NELL2: variants seen among roughly 807,000 people sequenced by gnomAD.
NELL2 encodes protein kinase C-binding protein NELL2.
Under a neutral mutation model 109.6 loss-of-function variants are expected in NELL2, and 41 were observed. The observed-to-expected ratio is 0.37, with a 90% CI of 0.29 to 0.49. The LOEUF (loss-of-function observed/expected upper bound fraction) is 0.49. Among genes scored for constraint, NELL2 ranks in the 20% least tolerant of loss-of-function variants. The probability of loss-of-function intolerance (pLI) is 0.98; values close to 1 mark genes in which losing one functional copy is unlikely to be tolerated. For missense variants in NELL2, 900 were observed against 1,008.3 expected (o/e 0.89, Z 1.45); for synonymous variants, 355 against 344.7 (o/e 1.03, Z -0.33).
chr12:44,660,045 G>A (rs1343126470), intron 13 of NELL2, among the ~76,000 whole-genome samples: 5 of 152,128 alleles, frequency 3.3e-5, no homozygotes, highest in Non-Finnish European at 5.9e-5. Flanking sequence ...TAAAATCCGG[G>A]TTTTGATAGA....
chr12:44,554,248 G>C (rs1490500303), intron 15 of NELL2, among the ~76,000 whole-genome samples: 1 of 152,268 alleles, frequency 6.6e-6, no homozygotes, highest in South Asian at 2.1e-4. Context: ...GAGCCATAGT[G>C]TGTTAAGATA....
At chr12:44,621,830 A>G (rs1012414253) in intron 13 of NELL2, among the ~76,000 whole-genome samples, 7 of 152,120 alleles carry the variant, frequency 4.6e-5, no homozygotes, top group African/African-American at 1.7e-4. Flanking sequence ...TCTATAGATA[A>G]GGGACTGTGG....
In NELL2 at chr12:44,599,752, A is replaced by T. The variant is rs551524273; in HGVS notation, c.1663+7417T>A. On this transcript the variant is annotated intron_variant, in intron 15 of 19. Transcript: ENST00000429094. ...GGAGTCCCTAGCAAGGTAAATAAAA[A>T]TATTAATAAATTCATACGCAGGCAC... 7.2e-5 allele frequency among the ~76,000 whole-genome samples: 11 copies of T among 152,278 alleles called. No individual in the cohort carries two copies. The East Asian group carries it at 1.9e-3, about 27-fold the overall frequency.
chr12:44,758,450 C>A (rs1442815211), intron 9 of NELL2, among the ~76,000 whole-genome samples: 2 of 152,148 alleles, frequency 1.3e-5, no homozygotes, highest in Non-Finnish European at 2.9e-5. Context: ...AATAAAAGTA[C>A]AATTATTATT....
chr12:44,784,089 A>G (rs1287143422), intron 3 of NELL2, among the ~76,000 whole-genome samples: 1 of 152,180 alleles, frequency 6.6e-6, no homozygotes, highest in African/African-American at 2.4e-5. Flanking sequence ...CTTATGCAGA[A>G]AAAGCATTTG....
At chr12:44,614,466 C>A (rs1004198158) in intron 13 of NELL2, among the ~76,000 whole-genome samples, 10 of 151,918 alleles carry the variant, frequency 6.6e-5, no homozygotes, top group African/African-American at 9.7e-5. Flanking sequence ...GTCATAATTT[C>A]TTTGTTCTGC....
chr12:44,738,511 G>A (rs1939771267), intron 9 of NELL2, among the ~76,000 whole-genome samples: 1 of 150,888 alleles, frequency 6.6e-6, no homozygotes. Flanking sequence ...TTTGAGACAA[G>A]ATGGATGAAC....
intron 13 of NELL2, among the ~76,000 whole-genome samples, chr12:44,637,501 G>T (rs1249378555): frequency 2.2e-5 from 3 of 136,736 alleles, no homozygotes; most frequent in African/African-American, 8.1e-5. Context: ...AAAGTGTGGG[G>T]TATTTTGTGA....
At chr12:44,876,986 A>C, upstream of NELL2, 1 of 892,696 alleles carries the variant, frequency 1.1e-6, no homozygotes, top group Non-Finnish European at 1.5e-6. Flanking sequence ...GAACTTGGCC[A>C]GGAGGTGCTG....
At chr12:44,586,435 C>A (rs1944508247) in intron 15 of NELL2, among the ~76,000 whole-genome samples, 1 of 151,502 alleles carries the variant, frequency 6.6e-6, no homozygotes, top group South Asian at 2.1e-4. Context: ...ATTAAAATTT[C>A]TTTTATTACT....
chr12:44,813,978 T>C (rs896942003), intron 3 of NELL2, among the ~76,000 whole-genome samples: 1 of 152,176 alleles, frequency 6.6e-6, no homozygotes, highest in Non-Finnish European at 1.5e-5. Flanking sequence ...CATTAAACTA[T>C]TTTAAGAAGT....
At chr12:44,873,033 C>T (rs1945209853) in intron 2 of NELL2, among the ~76,000 whole-genome samples, 1 of 152,164 alleles carries the variant, frequency 6.6e-6, no homozygotes, top group Non-Finnish European at 1.5e-5. Context: ...AAAGGGCCAC[C>T]TTTTGTCAAT....
At chr12:44,516,373 T>G (rs1941255014) in intron 19 of NELL2, among the ~76,000 whole-genome samples, 1 of 152,108 alleles carries the variant, frequency 6.6e-6, no homozygotes, top group African/African-American at 2.4e-5. Context: ...AACAATATAT[T>G]TGTGTGTGTA....
Position 44,565,222 on chromosome 12 carries a change from C to G in NELL2, c.1664-32501G>C, listed in dbSNP as rs1468577234. Among the ~76,000 whole-genome samples the G allele has an allele frequency of 4.6e-5, 7 of 152,200 alleles. No homozygotes were observed. The East Asian group carries it at 9.6e-4, about 21-fold the overall frequency. ...TTCTCCTCCTTTTAGTTTTGGCCTT[C>G]AAGAGACTTAGTATCAAATTTGATG... On this transcript the variant is annotated intron_variant, in intron 15 of 19. Coordinates refer to ENST00000429094, the MANE Select transcript of NELL2 (RefSeq NM_001145108.2).
chr12:44,599,997 T>C (rs1327231572), intron 15 of NELL2, among the ~76,000 whole-genome samples: 1 of 143,578 alleles, frequency 7.0e-6, no homozygotes, highest in African/African-American at 2.6e-5. Context: ...AGTCTCGCTC[T>C]GCCGCCCAGG....
chr12:44,854,347 A>C (rs1482190428), intron 2 of NELL2, among the ~76,000 whole-genome samples: 1 of 152,212 alleles, frequency 6.6e-6, no homozygotes, highest in African/African-American at 2.4e-5. Flanking sequence ...ACAGGAGTAA[A>C]GGGCAGGATA....
chr12:44,776,041 C>T lies in NELL2; in HGVS notation c.872G>A (p.Cys291Tyr). The change falls in exon 8 of 20, where the codon TGT becomes TAT. Residue 291 changes from cysteine to tyrosine, a missense_variant. Transcript: ENST00000429094. The stretch of plus-strand genomic sequence containing the variant: ...CCATACCAGGCATGTGCAGTTCTTA[C>T]AGCCGTCTATCCAGGACTCAAATTC... ...YREFESWIDG[C>Y]KNCTCLNGTI... 2 of 1,613,902 alleles carry T rather than the reference C, an allele frequency of 1.2e-6. No individual in the cohort carries two copies. The highest frequency in any genetic ancestry group is 1.7e-6 in the Non-Finnish European group (2 of 1,179,896).
chr12:44,861,500 T>C (rs1350176638), intron 2 of NELL2, among the ~76,000 whole-genome samples: 1 of 152,062 alleles, frequency 6.6e-6, no homozygotes, highest in Admixed American at 6.5e-5. Flanking sequence ...TTGGCCCCCA[T>C]AGACCCAGGC....
intron 9 of NELL2, among the ~76,000 whole-genome samples, chr12:44,736,886 T>G (rs1034566580): frequency 2.6e-5 from 4 of 152,006 alleles, no homozygotes; most frequent in Non-Finnish European, 4.4e-5. Context: ...TAAATTTAAT[T>G]TTTATTAAAA....
Sources: gnomAD v4.1 joint callset for allele counts (sites outside exome capture counted in the v4.1 genomes callset) on GRCh38, gnomAD v4.1.1 for gene constraint, MANE v1.5 for transcripts, NCBI Gene and HGNC (gene_info 2026-07-23, HGNC 2026-07-21) for gene names.